Variants in PCDH9 observed in about 807,000 individuals in gnomAD.
The protein encoded by PCDH9 is protocadherin-9.
A neutral mutation model predicts 70.6 loss-of-function variants in PCDH9; 24 were observed. That is an observed-to-expected ratio of 0.34 (90% CI 0.25 to 0.48). PCDH9 has a LOEUF of 0.48. PCDH9 is among the 20% of genes least tolerant of loss of function. The pLI is 0.99. For synonymous variants in PCDH9, 562 were observed against 558.5 expected (o/e 1.01, Z -0.09); for missense variants, 1,281 against 1,503.6 (o/e 0.85, Z 2.45).
intron 3 of PCDH9, among the ~76,000 whole-genome samples, chr13:66,732,698 G>A (rs1376587983): frequency 6.6e-6 from 1 of 151,892 alleles, no homozygotes; most frequent in Non-Finnish European, 1.5e-5. Context: ...TTATGTTCAT[G>A]TAAGGCTCAT....
At chr13:67,201,646 T>C (rs1336778053) in intron 2 of PCDH9, 1 of 152,038 alleles carries the variant, frequency 6.6e-6, no homozygotes, top group African/African-American at 2.4e-5. Flanking sequence ...TTTTGTGTAA[T>C]TAAAACTTAA....
At chr13:66,612,093 C>T (rs2077300058) in intron 4 of PCDH9, among the ~76,000 whole-genome samples, 1 of 152,218 alleles carries the variant, frequency 6.6e-6, no homozygotes, top group Non-Finnish European at 1.5e-5. Flanking sequence ...ATATCTCCCT[C>T]TCCTAACCTC....
intron 4 of PCDH9, among the ~76,000 whole-genome samples, chr13:66,444,703 G>C (rs1226679222): frequency 2.0e-5 from 3 of 152,060 alleles, no homozygotes; most frequent in African/African-American, 7.2e-5. Flanking sequence ...TGGGACTATA[G>C]GCATGTGCCA....
rs992505792 is a variant in PCDH9, at chr13:66,754,620, T to C, written c.3139-123209A>G. 7.2e-5 allele frequency among the ~76,000 whole-genome samples: 11 copies of C among 152,072 alleles called. No individual in the cohort carries two copies. In the East Asian group the frequency reaches 2.1e-3, roughly 29 times the overall value. Reference sequence around the variant, plus strand: ...GAATTCTGAATTCTTGAGAATTCCATAGAGAAACACAGTTGCTGATTGACT... The same window carrying C: ...GAATTCTGAATTCTTGAGAATTCCACAGAGAAACACAGTTGCTGATTGACT... On this transcript the variant is annotated intron_variant, in intron 3 of 4. Coordinates refer to ENST00000377865, the MANE Select transcript of PCDH9 (RefSeq NM_203487.3).
chr13:66,530,693 G>T (rs1165298083), intron 4 of PCDH9, among the ~76,000 whole-genome samples: 1 of 151,742 alleles, frequency 6.6e-6, no homozygotes, highest in African/African-American at 2.4e-5. Context: ...AGCAACATAG[G>T]TTTTTTGTCT....
chr13:66,712,200 A>C (rs1566522004), intron 3 of PCDH9, among the ~76,000 whole-genome samples: 1 of 152,312 alleles, frequency 6.6e-6, no homozygotes, highest in East Asian at 1.9e-4. Context: ...ATTTCTAAAA[A>C]TATTTCCTTT....
At chr13:66,894,451 G>A (rs945971165) in intron 3 of PCDH9, among the ~76,000 whole-genome samples, 1 of 152,078 alleles carries the variant, frequency 6.6e-6, no homozygotes, top group African/African-American at 2.4e-5. Flanking sequence ...GGTTATGTTA[G>A]CTGCATAATT....
chr13:66,651,789 C>T (rs746637718), intron 3 of PCDH9, among the ~76,000 whole-genome samples: 1 of 151,960 alleles, frequency 6.6e-6, no homozygotes, highest in Admixed American at 6.6e-5. Flanking sequence ...TCAAGTTCAA[C>T]AACACATTAA....
intron 2 of PCDH9, among the ~76,000 whole-genome samples, chr13:67,100,660 G>A (rs956485074): frequency 6.6e-6 from 1 of 152,164 alleles, no homozygotes; most frequent in Admixed American, 6.5e-5. Context: ...ATCGTGCATT[G>A]CTCTTCTCTT....
intron 4 of PCDH9, among the ~76,000 whole-genome samples, chr13:66,440,390 C>T (rs1957950505): frequency 6.6e-6 from 1 of 151,970 alleles, no homozygotes; most frequent in African/African-American, 2.4e-5. Flanking sequence ...TTATTAATTT[C>T]CTGTGCTTGA....
At chr13:66,948,758 C>T (rs565330287) in intron 2 of PCDH9, among the ~76,000 whole-genome samples, 1 of 152,204 alleles carries the variant, frequency 6.6e-6, no homozygotes, top group African/African-American at 2.4e-5. Flanking sequence ...AATTGACTGT[C>T]TAAATGAAGA....
chr13:66,454,269 T>C (rs1336990046), intron 4 of PCDH9, among the ~76,000 whole-genome samples: 1 of 152,154 alleles, frequency 6.6e-6, no homozygotes, highest in Non-Finnish European at 1.5e-5. Flanking sequence ...AAAGAAAATA[T>C]AATGAGCTAC....
intron 2 of PCDH9, among the ~76,000 whole-genome samples, chr13:67,139,874 C>A (rs545382133): frequency 5.9e-5 from 9 of 152,118 alleles, no homozygotes; most frequent in Admixed American, 3.3e-4. Flanking sequence ...AATAATTAAG[C>A]CAACTGAAAT....
At chr13:66,322,599 A>G (rs1387955729) in intron 4 of PCDH9, among the ~76,000 whole-genome samples, 1 of 152,032 alleles carries the variant, frequency 6.6e-6, no homozygotes, top group African/African-American at 2.4e-5. Flanking sequence ...GCCTCTGTTT[A>G]TTTAACAGCA....
chr13:66,776,717 C>T (rs953111628), intron 3 of PCDH9, among the ~76,000 whole-genome samples: 2 of 150,902 alleles, frequency 1.3e-5, no homozygotes, highest in Non-Finnish European at 3.0e-5. Flanking sequence ...AGGTAATTTA[C>T]AGATTCAATG....
intron 4 of PCDH9, among the ~76,000 whole-genome samples, chr13:66,626,190 G>A (rs1468635884): frequency 2.0e-5 from 3 of 152,104 alleles, no homozygotes; most frequent in Non-Finnish European, 4.4e-5. Context: ...ACCCGGTTGG[G>A]AAGAAGAAAG....
chr13:66,622,909 C>T (rs1019230618), intron 4 of PCDH9, among the ~76,000 whole-genome samples: 1 of 152,214 alleles, frequency 6.6e-6, no homozygotes, highest in African/African-American at 2.4e-5. Context: ...CCGCAAAGGT[C>T]TGCAGCTTCA....
intron 2 of PCDH9, chr13:67,201,548 A>G (rs2089212512): frequency 6.6e-6 from 1 of 151,984 alleles, no homozygotes; most frequent in African/African-American, 2.4e-5. Context: ...AATAATTTTT[A>G]TTGATAAATT....
At chr13:66,377,046 G>A (rs916149000) in intron 4 of PCDH9, among the ~76,000 whole-genome samples, 1 of 152,182 alleles carries the variant, frequency 6.6e-6, no homozygotes, top group African/African-American at 2.4e-5. Flanking sequence ...TGCACAGAAT[G>A]TAATAGGTAC....
Sources: gnomAD v4.1 joint callset for allele counts (sites outside exome capture counted in the v4.1 genomes callset) on GRCh38, gnomAD v4.1.1 for gene constraint, MANE v1.5 for transcripts, NCBI Gene and HGNC (gene_info 2026-07-23, HGNC 2026-07-21) for gene names.